The following ARIH2 variants were observed in gnomAD, a reference collection of about 807,000 sequenced individuals.
ARIH2 encodes the protein E3 ubiquitin-protein ligase ARIH2.
A neutral mutation model predicts 79.8 loss-of-function variants in ARIH2; 12 were observed. That is an observed-to-expected ratio of 0.15 (90% CI 0.10 to 0.24). The LOEUF (loss-of-function observed/expected upper bound fraction) is 0.24, where lower values mean the gene tolerates loss of function less well. Among genes scored for constraint, ARIH2 ranks in the 10% least tolerant of loss-of-function variants. The pLI is 1.00. For missense variants in ARIH2, 301 were observed against 618.3 expected (o/e 0.49, Z 5.44); for synonymous variants, 224 against 213.9 (o/e 1.05, Z -0.41).
rs748356515 is a variant in ARIH2 at position 48,982,882 on chromosome 3, C to T, written c.1327-14C>T. The T allele has an allele frequency of 1.4e-5, 23 of 1,612,974 alleles. No homozygotes were observed. The Middle Eastern group carries it at 8.2e-4, about 58-fold the overall frequency. ...GCCCACTCACCTTTTGACCCTCCTG[C>T]TCTGCCTATACAGTTTGAATACCAG... On this transcript the variant is annotated splice_polypyrimidine_tract_variant and intron_variant, in intron 14 of 15. Coordinates refer to ENST00000356401, the MANE Select transcript of ARIH2 (RefSeq NM_006321.4).
chr3:48,958,809 G>A (rs2090910363), intron 3 of ARIH2, among the ~76,000 whole-genome samples: 1 of 152,106 alleles, frequency 6.6e-6, no homozygotes, highest in African/African-American at 2.4e-5. Flanking sequence ...GCGCTTAGGA[G>A]TTCAGGACTG....
At chr3:48,951,263 C>G (rs2089919570) in intron 3 of ARIH2, among the ~76,000 whole-genome samples, 1 of 152,050 alleles carries the variant, frequency 6.6e-6, no homozygotes, top group Non-Finnish European at 1.5e-5. Context: ...TGTACCAGGC[C>G]AACTTTGTAT....
Position 48,983,404 on chromosome 3 carries a change from A to G in ARIH2, c.*134A>G, listed in dbSNP as rs2092819218. On this transcript the variant is annotated 3_prime_UTR_variant, in exon 16 of 16. Transcript: ENST00000356401. ...GCCCCACTCCTGAGAGACACTGGCAACACCTCTTAGTTGATTTCTGTTTTC... is the reference window on the plus strand; with the variant it reads ...GCCCCACTCCTGAGAGACACTGGCAGCACCTCTTAGTTGATTTCTGTTTTC... 2.5e-6 allele frequency: 2 copies of G among 787,350 alleles called. No individual in the cohort carries two copies. The highest frequency in any genetic ancestry group is 4.3e-6 in the Non-Finnish European group (2 of 460,586). The allele number at this position is 787,350 out of a possible 1,614,324, so 48.8% of individuals were successfully genotyped here.
At chr3:48,956,439 CTTTTTTTTTTTTTTTTTTT>C (rs34693818) in intron 3 of ARIH2, among the ~76,000 whole-genome samples, 1 of 36,256 alleles carries the variant, frequency 2.8e-5, no homozygotes, top group Admixed American at 3.7e-4. Context: ...GCGCCCGGCA[CTTTTTTTTTTTTTTTTTTT>C]TTTTTTTTTT....
At chr3:48,957,856 C>G (rs1359521099) in intron 3 of ARIH2, among the ~76,000 whole-genome samples, 1 of 152,156 alleles carries the variant, frequency 6.6e-6, no homozygotes, top group Non-Finnish European at 1.5e-5. Flanking sequence ...GCTGGGACTA[C>G]AGGCACCTAC....
At chr3:48,976,061 C>G (rs1197800719) in intron 11 of ARIH2, among the ~76,000 whole-genome samples, 1 of 151,978 alleles carries the variant, frequency 6.6e-6, no homozygotes, top group African/African-American at 2.4e-5. Context: ...CAGGCACTCA[C>G]CACCACACCT....
intron 4 of ARIH2, among the ~76,000 whole-genome samples, chr3:48,962,513 C>G (rs1576426239): frequency 6.6e-6 from 1 of 152,162 alleles, no homozygotes; most frequent in African/African-American, 2.4e-5. Context: ...AGATGTCTTA[C>G]AAGTTGTCAG....
intron 3 of ARIH2, among the ~76,000 whole-genome samples, chr3:48,960,480 C>T (rs1004790985): frequency 1.3e-5 from 2 of 151,622 alleles, no homozygotes; most frequent in Non-Finnish European, 2.9e-5. Context: ...ACAAAAAAAC[C>T]TGGCCGGGCA....
chr3:48,940,366 T>A (rs569351120), intron 3 of ARIH2, among the ~76,000 whole-genome samples: 4 of 151,806 alleles, frequency 2.6e-5, no homozygotes, highest in African/African-American at 2.4e-5. Context: ...AAAAGATAGA[T>A]AGATAGATTA....
At position 48,970,625 on chromosome 3, in the gene ARIH2, G is replaced by A; in HGVS notation, c.691G>A (p.Ala231Thr). ...TTACCAGCTCCAGCTGTGCCCTGGT[G>A]CAGACTGCCCCATGGTTATTCGGGT... Reference protein sequence around the residue: ...SHYQLQLCPGADCPMVIRVQE... With the variant: ...SHYQLQLCPGTDCPMVIRVQE... Residue 231 changes from alanine to threonine, a missense_variant, in exon 8 of 16, where the codon GCA becomes ACA. This residue lies in a region of ARIH2 where 223 missense variants were observed against 349.4 expected (regional missense o/e 0.64). Transcript: ENST00000356401. 1.2e-6 allele frequency: 2 copies of A among 1,614,006 alleles called. No individual in the cohort carries two copies. Among genetic ancestry groups the A allele is most frequent in the South Asian group, 1.1e-5 (1 of 91,080 alleles).
intron 3 of ARIH2, among the ~76,000 whole-genome samples, chr3:48,947,395 C>T (rs557058290): frequency 1.3e-3 from 189 of 142,134 alleles, no homozygotes; most frequent in African/African-American, 4.8e-3. Flanking sequence ...GAGCCAAGAT[C>T]GTGCCATTGC....
At chr3:48,940,808 A>AAAAT (rs759369585) in intron 3 of ARIH2, among the ~76,000 whole-genome samples, 4,738 of 97,820 alleles carry the variant, frequency 0.048, 235 homozygotes, top group South Asian at 0.09. Flanking sequence ...AAAAAAAAAA[A>AAAAT]ATATATATAT....
chr3:48,964,940 A>G lies in ARIH2; in HGVS notation c.345A>G (p.Gln115=), dbSNP rs745332368. 3 of 1,613,642 alleles carry G rather than the reference A, an allele frequency of 1.9e-6. No homozygotes were observed. Among genetic ancestry groups the G allele is most frequent in the South Asian group, 1.1e-5 (1 of 91,060 alleles). ...ILDRYKSNSA[Q]LLVEARVQPN... is the part of the protein sequence containing the mutation. ...GTAGATACAAGTCCAATTCTGCTCA[A>G]CTGCTTGTTGAGGCTCGAGTTCAGC... is the stretch of plus-strand genomic sequence containing the variant. Residue 115 remains glutamine, a synonymous_variant, in exon 5 of 16, where the codon CAA becomes CAG. Transcript: ENST00000356401.
At chr3:48,937,940 C>A (rs923488229) in intron 3 of ARIH2, among the ~76,000 whole-genome samples, 1 of 149,176 alleles carries the variant, frequency 6.7e-6, no homozygotes, top group Non-Finnish European at 1.5e-5. Flanking sequence ...CCAGCTACTC[C>A]GGAGGCTGAG....
At chr3:48,965,061 A>T in intron 5 of ARIH2, 79 bp downstream of exon 5, 1 of 1,390,772 alleles carries the variant, frequency 7.2e-7, no homozygotes, top group Non-Finnish European at 1.0e-6. Context: ...CTTAAGAGCT[A>T]TCTTTACTTG....
chr3:48,926,445 T>A (rs1454341904), intron 2 of ARIH2, among the ~76,000 whole-genome samples: 1 of 151,992 alleles, frequency 6.6e-6, no homozygotes, highest in African/African-American at 2.4e-5. Flanking sequence ...TTTTTTTGTA[T>A]TTTTAGTAGA....
chr3:48,977,875 G>A (rs2092592321), intron 11 of ARIH2, among the ~76,000 whole-genome samples: 1 of 152,114 alleles, frequency 6.6e-6, no homozygotes, highest in Admixed American at 6.6e-5. Context: ...GGGTCTCCGG[G>A]TTTTGCTTTG....
intron 13 of ARIH2, among the ~76,000 whole-genome samples, 194 bp from the exon 14 acceptor site, chr3:48,981,466 A>C (rs2092749607): frequency 6.6e-6 from 1 of 152,110 alleles, no homozygotes; most frequent in Non-Finnish European, 1.5e-5. Flanking sequence ...GTGTTCTGTG[A>C]CCATCGTTGT....
intron 12 of ARIH2, 64 bp from the exon 13 acceptor site, chr3:48,980,289 C>T: frequency 6.4e-7 from 1 of 1,557,994 alleles, no homozygotes; most frequent in Non-Finnish European, 8.7e-7. Flanking sequence ...ATCCTGAACT[C>T]CTGTGTAGAC....
Sources: allele counts gnomAD v4.1 joint callset (sites outside exome capture counted in the v4.1 genomes callset), GRCh38; gene constraint gnomAD v4.1.1; regional missense constraint gnomAD v4.1.1; transcripts MANE v1.5; gene names NCBI Gene and HGNC (gene_info 2026-07-23, HGNC 2026-07-21).